The following LRRC37A2 variants were observed in gnomAD, a reference collection of about 807,000 sequenced individuals.
The protein encoded by LRRC37A2 is leucine rich repeat containing 37 member A2.
Under a neutral mutation model 68.8 loss-of-function variants are expected in LRRC37A2, and 9 were observed. That is an observed-to-expected ratio of 0.13 (90% CI 0.08 to 0.23). LRRC37A2 has a LOEUF of 0.23. LRRC37A2 is among the 10% of genes least tolerant of loss of function. LRRC37A2 has a pLI of 1.00. For missense variants in LRRC37A2, 168 were observed against 950.4 expected (o/e 0.18, Z 10.82); for synonymous variants, 63 against 367.6 (o/e 0.17, Z 9.48).
the LRRC37A2 span, among the ~76,000 whole-genome samples, chr17:46,905,780 T>G: frequency 2.6e-5 from 3 of 117,044 alleles, no homozygotes; most frequent in African/African-American, 6.3e-5. Flanking sequence ...CTCTGTGTGT[T>G]TGTGTGTGTG....
chr17:46,995,857 C>A, the LRRC37A2 span, among the ~76,000 whole-genome samples: 1 of 152,192 alleles, frequency 6.6e-6, no homozygotes, highest in Non-Finnish European at 1.5e-5. Context: ...TGAGTTCCCG[C>A]CTTGGTCACC....
At chr17:46,511,187 TA>T (rs1408461063), upstream of LRRC37A2, among the ~76,000 whole-genome samples, 4 of 126,664 alleles carry the variant, frequency 3.2e-5, no homozygotes, top group Non-Finnish European at 5.1e-5. Context: ...GAATTTTTTT[TA>T]AAAAAAGGAG....
the LRRC37A2 span, among the ~76,000 whole-genome samples, chr17:46,855,470 T>C: frequency 6.6e-6 from 1 of 152,148 alleles, no homozygotes; most frequent in Non-Finnish European, 1.5e-5. Context: ...TTGTCCCTGA[T>C]CAAGTCACTC....
the LRRC37A2 span, among the ~76,000 whole-genome samples, chr17:46,919,763 A>G: frequency 1.3e-5 from 2 of 152,152 alleles, no homozygotes; most frequent in Non-Finnish European, 2.9e-5. Flanking sequence ...CCTGACCAAC[A>G]TGGTGAAACC....
chr17:46,850,902 A>G, the LRRC37A2 span, among the ~76,000 whole-genome samples: 40 of 152,232 alleles, frequency 2.6e-4, no homozygotes, highest in African/African-American at 9.4e-4. Flanking sequence ...GAACATCAGC[A>G]GCATTTTGTC....
chr17:46,695,198 ATTGCGCCACTGCACTCCAG>A, the LRRC37A2 span, among the ~76,000 whole-genome samples: 1 of 127,606 alleles, frequency 7.8e-6, no homozygotes, highest in Admixed American at 7.7e-5. Flanking sequence ...GTGAGCTGAG[ATTGCGCCACTGCACTCCAG>A]CCTGGGTGAC....
chr17:46,924,162 C>CTT, the LRRC37A2 span: 1 of 300,546 alleles, frequency 3.3e-6, no homozygotes, highest in Non-Finnish European at 6.0e-6. Context: ...CTCTGTTTTA[C>CTT]TTCTCTCTAT....
chr17:46,550,277 G>T, intron 10 of LRRC37A2, 138 bp from the exon 10 acceptor site: 3 of 269,552 alleles, frequency 1.1e-5, no homozygotes, highest in Non-Finnish European at 2.0e-5. Flanking sequence ...TTGCACCACG[G>T]TACCCAAGCC....
the LRRC37A2 span, among the ~76,000 whole-genome samples, chr17:46,739,104 TCACACCCGTAATCC>T: frequency 2.0e-5 from 3 of 151,542 alleles, no homozygotes; most frequent in African/African-American, 7.3e-5. Context: ...GCACGGTGGC[TCACACCCGTAATCC>T]CAGCACTTTG....
chr17:46,597,771 G>T, the LRRC37A2 span, among the ~76,000 whole-genome samples: 2 of 105,184 alleles, frequency 1.9e-5, no homozygotes, highest in Non-Finnish European at 2.1e-5. Flanking sequence ...AAATGTTTTT[G>T]TTGTTGTTGC....
chr17:46,924,310 C>T, the LRRC37A2 span: 1 of 154,156 alleles, frequency 6.5e-6, no homozygotes, highest in Admixed American at 6.5e-5. Flanking sequence ...TGTTTTATGA[C>T]GGAATAATAT....
At chr17:46,922,486 A>G in the LRRC37A2 span, among the ~76,000 whole-genome samples, 1 of 152,142 alleles carries the variant, frequency 6.6e-6, no homozygotes, top group Non-Finnish European at 1.5e-5. Flanking sequence ...GTATAATAAT[A>G]AAAAATAATA....
the LRRC37A2 span, among the ~76,000 whole-genome samples, chr17:46,389,280 G>A: frequency 1.4e-5 from 2 of 145,888 alleles, no homozygotes; most frequent in Non-Finnish European, 3.0e-5. Context: ...AAGAGAGATA[G>A]CTAATACATA....
At chr17:46,842,749 G>C in the LRRC37A2 span, among the ~76,000 whole-genome samples, 5 of 152,222 alleles carry the variant, frequency 3.3e-5, no homozygotes, top group Non-Finnish European at 5.9e-5. Flanking sequence ...GGCATGATGA[G>C]TGATGCTCAA....
chr17:46,551,033 A>G (rs2056747057), intron 11 of LRRC37A2, among the ~76,000 whole-genome samples: 1 of 149,962 alleles, frequency 6.7e-6, no homozygotes, highest in Non-Finnish European at 1.5e-5. Context: ...ACTACAGAGT[A>G]GCCATCTTTT....
At chr17:46,883,261 C>T in the LRRC37A2 span, among the ~76,000 whole-genome samples, 9 of 150,558 alleles carry the variant, frequency 6.0e-5, no homozygotes, top group East Asian at 2.0e-4. Flanking sequence ...GGATTACAGG[C>T]GTGAGCTACT....
At chr17:46,968,747 C>T in the LRRC37A2 span, 1 of 152,384 alleles carries the variant, frequency 6.6e-6, no homozygotes, top group East Asian at 1.9e-4. Context: ...AGGACACAAA[C>T]AGAAAGCAGG....
chr17:46,744,018 CTTG>C, the LRRC37A2 span, among the ~76,000 whole-genome samples: 3 of 152,146 alleles, frequency 2.0e-5, no homozygotes, highest in Non-Finnish European at 4.4e-5. Flanking sequence ...CCAGTGCCTA[CTTG>C]TTGTCATTGT....
the LRRC37A2 span, among the ~76,000 whole-genome samples, chr17:46,814,268 T>C: frequency 6.6e-6 from 1 of 152,330 alleles, no homozygotes; most frequent in African/African-American, 2.4e-5. Flanking sequence ...GCCATCCACA[T>C]ACATATTACA....
Sources: allele counts gnomAD v4.1 joint callset (sites outside exome capture counted in the v4.1 genomes callset), GRCh38; gene constraint gnomAD v4.1.1; transcripts MANE v1.5; gene names NCBI Gene and HGNC (gene_info 2026-07-23, HGNC 2026-07-21).